RGPD2: variants seen among roughly 807,000 people sequenced by gnomAD.
The protein encoded by RGPD2 is RANBP2 like and GRIP domain containing 2, also known as RANBP2-like and GRIP domain-containing protein 2.
Under a neutral mutation model 36.0 loss-of-function variants are expected in RGPD2, and 2 were observed. The ratio of observed to expected loss-of-function variants is 0.06; its 90% CI spans 0.02 to 0.17. The LOEUF is 0.17. Ranked by LOEUF, RGPD2 falls within the 10% of genes least tolerant of loss-of-function variation. The probability of loss-of-function intolerance (pLI) is 1.00; values close to 1 mark genes in which losing one functional copy is unlikely to be tolerated. For synonymous variants in RGPD2, 19 were observed against 163.8 expected (o/e 0.12, Z 6.75); for missense variants, 40 against 464.3 (o/e 0.09, Z 8.40).
intron 22 of RGPD2, among the ~76,000 whole-genome samples, chr2:87,769,112 C>T (rs1685033124): frequency 1.1e-5 from 1 of 93,788 alleles, no homozygotes; most frequent in Admixed American, 1.3e-4. Flanking sequence ...GGATTACAGG[C>T]ATGCACCACC....
At chr2:87,969,754 C>T in the RGPD2 span, among the ~76,000 whole-genome samples, 2 of 133,600 alleles carry the variant, frequency 1.5e-5, no homozygotes, top group East Asian at 2.1e-4. Flanking sequence ...TTTTGTGTCA[C>T]TTTGTATGTT....
the RGPD2 span, among the ~76,000 whole-genome samples, chr2:87,915,178 A>C: frequency 4.3e-3 from 656 of 151,220 alleles, no homozygotes; most frequent in Non-Finnish European, 7.2e-3. Context: ...AATAAAAAGG[A>C]AACTTGTTTA....
the RGPD2 span, among the ~76,000 whole-genome samples, chr2:87,881,505 C>A: frequency 2.0e-5 from 3 of 151,206 alleles, no homozygotes; most frequent in African/African-American, 7.3e-5. Context: ...TGTGCACCTG[C>A]AAGATTAACA....
the RGPD2 span, among the ~76,000 whole-genome samples, chr2:87,947,519 G>A: frequency 2.0e-5 from 3 of 152,150 alleles, no homozygotes; most frequent in Non-Finnish European, 4.4e-5. Flanking sequence ...CAGGATTTGT[G>A]CATGTGTTTT....
the RGPD2 span, among the ~76,000 whole-genome samples, chr2:87,940,632 TTGTGTGTGTGTG>T: frequency 2.3e-5 from 3 of 130,932 alleles, no homozygotes; most frequent in East Asian, 6.5e-4. Context: ...AATTTTCTGT[TTGTGTGTGTGTG>T]TGTGTGTGTG....
At chr2:87,984,689 G>A in the RGPD2 span, among the ~76,000 whole-genome samples, 4 of 147,026 alleles carry the variant, frequency 2.7e-5, no homozygotes, top group East Asian at 8.0e-4. Context: ...CCAGCACTTT[G>A]GGAGGCTGAG....
At chr2:87,964,627 G>A in the RGPD2 span, among the ~76,000 whole-genome samples, 1 of 151,180 alleles carries the variant, frequency 6.6e-6, no homozygotes, top group Non-Finnish European at 1.5e-5. Flanking sequence ...TCCTGTGGCA[G>A]GCCAGGTCTC....
At chr2:87,822,625 T>C (rs1409873335) in intron 1 of RGPD2, among the ~76,000 whole-genome samples, 4 of 21,922 alleles carry the variant, frequency 1.8e-4, no homozygotes, top group Non-Finnish European at 9.3e-5. Flanking sequence ...CCGGGCATGG[T>C]GGCGCACACC....
chr2:87,943,980 G>A, the RGPD2 span, among the ~76,000 whole-genome samples: 2 of 151,930 alleles, frequency 1.3e-5, no homozygotes, highest in Non-Finnish European at 2.9e-5. Flanking sequence ...TATGTTTTCT[G>A]TTTCAATACG....
At chr2:87,915,558 A>G in the RGPD2 span, among the ~76,000 whole-genome samples, 3 of 139,342 alleles carry the variant, frequency 2.2e-5, no homozygotes, top group East Asian at 2.0e-4. Flanking sequence ...GTGTATGTGT[A>G]TATATATACA....
At chr2:87,967,353 A>G in the RGPD2 span, among the ~76,000 whole-genome samples, 1 of 149,958 alleles carries the variant, frequency 6.7e-6, no homozygotes, top group Non-Finnish European at 1.5e-5. Flanking sequence ...GCTTGCAGTG[A>G]GCCGAGATTG....
chr2:87,872,890 G>A, the RGPD2 span, among the ~76,000 whole-genome samples: 1 of 152,146 alleles, frequency 6.6e-6, no homozygotes, highest in African/African-American at 2.4e-5. Context: ...CTCATGAGTA[G>A]CTGAGATTAC....
the RGPD2 span, among the ~76,000 whole-genome samples, chr2:87,864,580 A>T: frequency 3.7e-5 from 2 of 53,714 alleles, no homozygotes; most frequent in South Asian, 4.5e-4. Context: ...GATAGATGAT[A>T]GATAGATAGA....
the RGPD2 span, among the ~76,000 whole-genome samples, chr2:87,975,643 C>A: frequency 1.3e-5 from 2 of 152,060 alleles, no homozygotes; most frequent in African/African-American, 4.8e-5. Context: ...CACATACTAA[C>A]ACTTTTATCA....
chr2:87,763,182 G>C (rs1684938964), intron 22 of RGPD2, among the ~76,000 whole-genome samples: 1 of 102,888 alleles, frequency 9.7e-6, no homozygotes, highest in South Asian at 4.2e-4. Flanking sequence ...TTCTGAGACG[G>C]AGTCTCGCTC....
At chr2:87,987,953 C>A in the RGPD2 span, among the ~76,000 whole-genome samples, 119,678 of 136,228 alleles carry the variant, frequency 0.88, 52,948 homozygotes, top group South Asian at 0.93. Context: ...TTAGGCTTAT[C>A]ATACTTCTAG....
the RGPD2 span, among the ~76,000 whole-genome samples, chr2:87,985,134 AT>A: frequency 3.4e-4 from 1 of 2,912 alleles, no homozygotes; most frequent in Non-Finnish European, 3.3e-3. Context: ...TTTGTAAATA[AT>A]CTAATAAGGG....
At chr2:87,914,195 T>G in the RGPD2 span, among the ~76,000 whole-genome samples, 229 of 135,742 alleles carry the variant, frequency 1.7e-3, 2 homozygotes, top group African/African-American at 6.2e-3. Flanking sequence ...TTTCAATTCT[T>G]CATCTATAAG....
chr2:87,836,382 T>G, the RGPD2 span, among the ~76,000 whole-genome samples: 1 of 151,276 alleles, frequency 6.6e-6, no homozygotes. Context: ...AGAAACAAAA[T>G]ATCAGGCCAA....
Sources: gnomAD v4.1 joint callset for allele counts (sites outside exome capture counted in the v4.1 genomes callset) on GRCh38, gnomAD v4.1.1 for gene constraint, MANE v1.5 for transcripts, NCBI Gene and HGNC (gene_info 2026-07-23, HGNC 2026-07-21) for gene names.